CXADR: variants seen among roughly 807,000 people sequenced by gnomAD.
The protein encoded by CXADR is coxsackievirus and adenovirus receptor.
Under a neutral mutation model 40.3 loss-of-function variants are expected in CXADR, and 20 were observed. The ratio of observed to expected loss-of-function variants is 0.50; its 90% confidence interval spans 0.35 to 0.72. The LOEUF (loss-of-function observed/expected upper bound fraction) is 0.72, where lower values mean the gene tolerates loss of function less well. Among genes scored for constraint, CXADR ranks in the 30% least tolerant of loss-of-function variants. The probability of loss-of-function intolerance (pLI) is 0.01; values close to 1 mark genes in which losing one functional copy is unlikely to be tolerated. For synonymous variants in CXADR, 150 were observed against 161.3 expected (o/e 0.93, Z 0.53); for missense variants, 332 against 449.1 (o/e 0.74, Z 2.36).
chr21:17,594,948 C>T (rs150231810), downstream of CXADR, among the ~76,000 whole-genome samples: 102 of 151,608 alleles, frequency 6.7e-4, no homozygotes, highest in African/African-American at 2.4e-3. Flanking sequence ...CCCTGTGACA[C>T]ATGTTTACCT....
intron 1 of CXADR, among the ~76,000 whole-genome samples, chr21:17,514,949 G>A (rs1376556604): frequency 6.6e-6 from 1 of 151,918 alleles, no homozygotes; most frequent in Non-Finnish European, 1.5e-5. Flanking sequence ...TGTTTTAACG[G>A]GAATATTTAG....
chr21:17,551,452 A>G (rs962160947), intron 2 of CXADR, among the ~76,000 whole-genome samples: 1 of 152,144 alleles, frequency 6.6e-6, no homozygotes, highest in Non-Finnish European at 1.5e-5. Context: ...TTCTTGCCCA[A>G]TCTTACTAAA....
chr21:17,559,669 G>GTTTTTTTTTTT (rs1447996912), intron 4 of CXADR, among the ~76,000 whole-genome samples: 1 of 27,890 alleles, frequency 3.6e-5, no homozygotes, highest in African/African-American at 1.3e-4. Context: ...TTTTTTTTGG[G>GTTTTTTTTTTT]TTTTTTTTTT....
chr21:17,523,916 T>C (rs1249358089), intron 1 of CXADR, among the ~76,000 whole-genome samples: 2 of 152,064 alleles, frequency 1.3e-5, no homozygotes, highest in Non-Finnish European at 2.9e-5. Context: ...TGGAGTGCAG[T>C]GGCGCGATCT....
At chr21:17,591,148 G>A (rs2061431890) in intron 7 of CXADR, among the ~76,000 whole-genome samples, 1 of 151,928 alleles carries the variant, frequency 6.6e-6, no homozygotes, top group African/African-American at 2.4e-5. Flanking sequence ...CTGATGGCAA[G>A]GTACCATGGC....
At chr21:17,632,822 T>C in the CXADR span, among the ~76,000 whole-genome samples, 2 of 151,948 alleles carry the variant, frequency 1.3e-5, no homozygotes, top group Non-Finnish European at 2.9e-5. Flanking sequence ...TGAGCTGAGA[T>C]CGCCACCGCA....
intron 1 of CXADR, among the ~76,000 whole-genome samples, chr21:17,525,895 A>C (rs1368866211): frequency 2.6e-5 from 4 of 152,256 alleles, no homozygotes; most frequent in Non-Finnish European, 5.9e-5. Flanking sequence ...AATATAATGC[A>C]AGCCACATAT....
At chr21:17,535,901 G>A (rs1048247894) in intron 1 of CXADR, among the ~76,000 whole-genome samples, 2 of 152,048 alleles carry the variant, frequency 1.3e-5, no homozygotes, top group African/African-American at 2.4e-5. Flanking sequence ...CCAGCTACTC[G>A]AGAGGCTAAG....
intron 7 of CXADR, among the ~76,000 whole-genome samples, chr21:17,587,904 T>A (rs1208661229): frequency 1.3e-5 from 2 of 152,160 alleles, no homozygotes; most frequent in Non-Finnish European, 2.9e-5. Flanking sequence ...TTGAATTAAT[T>A]TTTGTATAAG....
intron 1 of CXADR, among the ~76,000 whole-genome samples, chr21:17,534,139 G>A (rs866502145): frequency 5.6e-5 from 6 of 106,594 alleles, no homozygotes; most frequent in East Asian, 2.8e-4. Context: ...ATGGAGTCTC[G>A]CTCTGTTACC....
the CXADR span, among the ~76,000 whole-genome samples, chr21:17,610,741 C>T: frequency 6.6e-6 from 1 of 152,216 alleles, no homozygotes; most frequent in Non-Finnish European, 1.5e-5. Flanking sequence ...TAAAAACATA[C>T]AGCCTCTGCT....
chr21:17,609,744 A>G, the CXADR span, among the ~76,000 whole-genome samples: 2 of 152,226 alleles, frequency 1.3e-5, no homozygotes, highest in African/African-American at 2.4e-5. Flanking sequence ...CATAATAGCT[A>G]AAAAGTGAAA....
At chr21:17,612,569 T>TG in the CXADR span, 8 of 151,684 alleles carry the variant, frequency 5.3e-5, no homozygotes, top group Admixed American at 2.0e-4. Flanking sequence ...TTCCATCCCC[T>TG]GCCCCTCCCC....
At chr21:17,578,842 T>G (rs1425360249) in intron 7 of CXADR, among the ~76,000 whole-genome samples, 2 of 151,998 alleles carry the variant, frequency 1.3e-5, no homozygotes, top group Non-Finnish European at 2.9e-5. Flanking sequence ...TTAAGAAATC[T>G]AAGGAAGCAG....
intron 7 of CXADR, among the ~76,000 whole-genome samples, chr21:17,579,848 GA>G (rs2061348010): frequency 6.6e-6 from 1 of 151,646 alleles, no homozygotes; most frequent in Non-Finnish European, 1.5e-5. Context: ...GTGTTTGTAT[GA>G]AGACATGATT....
intron 7 of CXADR, among the ~76,000 whole-genome samples, chr21:17,587,735 G>C (rs1171802760): frequency 6.6e-6 from 1 of 151,898 alleles, no homozygotes; most frequent in African/African-American, 2.4e-5. Context: ...AAGCTCTTTA[G>C]TTTAATTAGA....
intron 1 of CXADR, among the ~76,000 whole-genome samples, chr21:17,524,258 CTT>C (rs1401425125): frequency 6.6e-6 from 1 of 151,836 alleles, no homozygotes; most frequent in Non-Finnish European, 1.5e-5. Context: ...CTCACCCATT[CTT>C]TTTTCAGTAG....
chr21:17,568,152 G>A lies in CXADR; in HGVS notation c.*2460G>A, dbSNP rs1034905917. 26 of 931,598 alleles carry A rather than the reference G, an allele frequency of 2.8e-5. No homozygotes were observed. Among genetic ancestry groups the A allele is most frequent in the African/African-American group, 1.3e-4 (6 of 45,390 alleles). The allele number at this position is 931,598 out of a possible 1,614,324, so 57.7% of individuals were successfully genotyped here. A position where few individuals can be genotyped will look rare whatever the true frequency, so the allele number is the denominator to read the frequency against. On this transcript the variant is annotated 3_prime_UTR_variant, in exon 7 of 7. Coordinates refer to ENST00000284878, the MANE Select transcript of CXADR (RefSeq NM_001338.5). Reference sequence around the variant, plus strand: ...TTTTTTTTTTTTTTTTTTTTAAGACGGAGTCTCGGTCTGTCACCCAGGCTG... The same window carrying A: ...TTTTTTTTTTTTTTTTTTTTAAGACAGAGTCTCGGTCTGTCACCCAGGCTG...
intron 2 of CXADR, among the ~76,000 whole-genome samples, chr21:17,549,971 G>GAGT (rs1465732256): frequency 6.6e-6 from 1 of 152,186 alleles, no homozygotes; most frequent in Non-Finnish European, 1.5e-5. Flanking sequence ...TGTGTTTACA[G>GAGT]AGTAAGTCAG....
Sources: gnomAD v4.1 joint callset for allele counts (sites outside exome capture counted in the v4.1 genomes callset) on GRCh38, gnomAD v4.1.1 for gene constraint, MANE v1.5 for transcripts, NCBI Gene and HGNC (gene_info 2026-07-23, HGNC 2026-07-21) for gene names.